Variants in CSMD1 observed in about 807,000 individuals in gnomAD.
CSMD1 encodes CUB and sushi domain-containing protein 1.
In CSMD1, 213 loss-of-function variants were observed where a neutral mutation model predicts 417.5. That is an observed-to-expected ratio of 0.51 (90% CI 0.46 to 0.57). The LOEUF is 0.57. CSMD1 is among the 20% of genes least tolerant of loss of function. The probability of loss-of-function intolerance (pLI) is 0.00; values close to 1 mark genes in which losing one functional copy is unlikely to be tolerated. For missense variants in CSMD1, 6,923 were observed against 4,529.7 expected (o/e 1.53, Z -15.17); for synonymous variants, 2,862 against 1,736.8 (o/e 1.65, Z -16.11).
At chr8:4,358,916 A>AAAATTT (rs1801592061) in intron 3 of CSMD1, among the ~76,000 whole-genome samples, 1 of 151,964 alleles carries the variant, frequency 6.6e-6, no homozygotes, top group Non-Finnish European at 1.5e-5. Context: ...AACCTTTATT[A>AAAATTT]AAAAAACTGA....
At position 4,391,666 on chromosome 8, in the gene CSMD1, C is replaced by T. The variant is rs114043181; in HGVS notation, c.415+28287G>A. On this transcript the variant is annotated intron_variant, in intron 3 of 69. Coordinates refer to ENST00000635120, the MANE Select transcript of CSMD1 (RefSeq NM_033225.6). ...GGTTGACTGGTGAGAAGTGGGAAGA[C>T]GGCTTACTTCCACTTAGCTCTTCGC... Among the ~76,000 whole-genome samples the T allele has an allele frequency of 2.0e-3, 302 of 152,170 alleles. 1 individual carries two copies. Among genetic ancestry groups the T allele is most frequent in the African/African-American group, 6.9e-3 (286 of 41,516 alleles).
intron 1 of CSMD1, among the ~76,000 whole-genome samples, chr8:4,709,650 G>A (rs1055572048): frequency 6.6e-5 from 10 of 152,172 alleles, no homozygotes; most frequent in African/African-American, 1.9e-4. Flanking sequence ...ACTACTGGGG[G>A]TCTTCAGCAA....
chr8:3,977,420 TC>T (rs1269906653), intron 5 of CSMD1, among the ~76,000 whole-genome samples: 1 of 152,226 alleles, frequency 6.6e-6, no homozygotes, highest in African/African-American at 2.4e-5. Flanking sequence ...TTGTTGTTGT[TC>T]CTGTTTTTTC....
At chr8:4,229,695 C>T (rs941689554) in intron 3 of CSMD1, among the ~76,000 whole-genome samples, 12 of 152,130 alleles carry the variant, frequency 7.9e-5, no homozygotes, top group African/African-American at 2.9e-4. Flanking sequence ...TGATGTACAG[C>T]CTCAGCCCCT....
intron 7 of CSMD1, among the ~76,000 whole-genome samples, chr8:3,681,816 C>A (rs1429272698): frequency 6.6e-6 from 1 of 152,200 alleles, no homozygotes; most frequent in Non-Finnish European, 1.5e-5. Context: ...GTAACCCAAA[C>A]AGCATGGTAC....
chr8:3,003,151 C>G (rs1423730081), intron 52 of CSMD1, among the ~76,000 whole-genome samples: 1 of 152,166 alleles, frequency 6.6e-6, no homozygotes, highest in Non-Finnish European at 1.5e-5. Flanking sequence ...GATAACCACA[C>G]AATTTCACTC....
intron 3 of CSMD1, among the ~76,000 whole-genome samples, chr8:4,317,843 T>G (rs563585959): frequency 7.7e-4 from 118 of 152,342 alleles, no homozygotes; most frequent in African/African-American, 2.8e-3. Context: ...AATGTATTTT[T>G]GACCAAGTTA....
At chr8:2,950,118 G>T in intron 67 of CSMD1, 113 bp downstream of exon 67, 2 of 674,526 alleles carry the variant, frequency 3.0e-6, no homozygotes, top group Admixed American at 2.4e-5. Flanking sequence ...AGTTTTCAAG[G>T]GGCAGACACA....
intron 10 of CSMD1, among the ~76,000 whole-genome samples, chr8:3,573,092 A>C (rs1323944947): frequency 6.6e-6 from 1 of 152,218 alleles, no homozygotes; most frequent in Non-Finnish European, 1.5e-5. Flanking sequence ...ATTGTTAATA[A>C]GTGTTTTTTT....
Position 4,904,051 on chromosome 8 carries a change from G to A in CSMD1, c.85+90281C>T, listed in dbSNP as rs372581498. Among the ~76,000 whole-genome samples the A allele has an allele frequency of 4.5e-4, 69 of 152,222 alleles. No individual in the cohort carries two copies. In the South Asian group the frequency reaches 8.5e-3, roughly 19 times the overall value. ...CTTTTTTTGGAGGACTGGCATTAGT[G>A]TAAGATTTGAGAAAGGACTTACCAT... On this transcript the variant is annotated intron_variant, in intron 1 of 69. Transcript: ENST00000635120.
At chr8:3,513,501 G>A (rs1000491300) in intron 10 of CSMD1, among the ~76,000 whole-genome samples, 2 of 152,028 alleles carry the variant, frequency 1.3e-5, no homozygotes, top group African/African-American at 2.4e-5. Flanking sequence ...GTGATCGTGT[G>A]AGTCAATACT....
intron 23 of CSMD1, among the ~76,000 whole-genome samples, chr8:3,323,115 TTG>T (rs1806263559): frequency 6.6e-6 from 1 of 152,206 alleles, no homozygotes; most frequent in South Asian, 2.1e-4. Context: ...ACCTCTAACA[TTG>T]TGTTTTTGTC....
Position 4,296,881 on chromosome 8 carries a change from T to A in CSMD1, c.415+123072A>T, listed in dbSNP as rs1049167601. Among the ~76,000 whole-genome samples the A allele has an allele frequency of 1.7e-4, 26 of 152,150 alleles. No individual in the cohort carries two copies. In the Middle Eastern group the frequency reaches 0.01, roughly 60 times the overall value. On this transcript the variant is annotated intron_variant, in intron 3 of 69. Transcript: ENST00000635120. ...ACTTGTCTTAGACTCCCAATTTTTTTAAAAATGCTCATCTCATGGAGATTA... is the reference window on the plus strand; with the variant it reads ...ACTTGTCTTAGACTCCCAATTTTTTAAAAAATGCTCATCTCATGGAGATTA...
At chr8:4,234,998 C>T (rs1022802847) in intron 3 of CSMD1, among the ~76,000 whole-genome samples, 1 of 152,280 alleles carries the variant, frequency 6.6e-6, no homozygotes, top group East Asian at 1.9e-4. Context: ...ATCCCAAAAG[C>T]TCTAAATACC....
At chr8:3,475,709 T>C (rs910287655) in intron 11 of CSMD1, among the ~76,000 whole-genome samples, 1 of 152,222 alleles carries the variant, frequency 6.6e-6, no homozygotes, top group East Asian at 1.9e-4. Flanking sequence ...AGTATCGATG[T>C]TGAACTGAAA....
chr8:3,040,998 C>T (rs999309533), intron 50 of CSMD1, among the ~76,000 whole-genome samples: 3 of 152,150 alleles, frequency 2.0e-5, no homozygotes, highest in African/African-American at 7.2e-5. Context: ...CTTTTCTCTG[C>T]CTAATATTGC....
At chr8:3,634,989 T>C (rs753133811) in intron 7 of CSMD1, among the ~76,000 whole-genome samples, 1 of 152,072 alleles carries the variant, frequency 6.6e-6, no homozygotes, top group Non-Finnish European at 1.5e-5. Context: ...TGGTAAGAAA[T>C]TTGTGTATCT....
chr8:3,230,161 C>G lies in CSMD1; in HGVS notation c.4224G>C (p.Glu1408Asp), dbSNP rs766412564. The change falls in exon 27 of 70, where the codon GAG becomes GAC. Residue 1408 changes from glutamate (E) to aspartate (D), a missense_variant. By Grantham distance (45) the Glu-to-Asp change is conservative. Transcript: ENST00000635120. ...ACTGGAATGTGACGGTGTCTCCAGC[C>G]TCTCTGCTGTCTCCATAGCGGGTGC... is the stretch of plus-strand genomic sequence containing the variant. ...QNGTRYGDSR[E>D]AGDTVTFQCD... The G allele has an allele frequency of 1.2e-6, 2 of 1,613,616 alleles. No homozygotes were observed. Among genetic ancestry groups the G allele is most frequent in the Non-Finnish European group, 1.7e-6 (2 of 1,179,726 alleles).
intron 3 of CSMD1, among the ~76,000 whole-genome samples, chr8:4,409,608 A>T (rs1034062076): frequency 6.6e-5 from 10 of 151,330 alleles, no homozygotes; most frequent in Non-Finnish European, 1.0e-4. Flanking sequence ...TCTGACTTAG[A>T]AGAGTATAGA....
Sources: allele counts gnomAD v4.1 joint callset (sites outside exome capture counted in the v4.1 genomes callset), GRCh38; gene constraint gnomAD v4.1.1; transcripts MANE v1.5; gene names NCBI Gene and HGNC (gene_info 2026-07-23, HGNC 2026-07-21).